Variants in GRIN2B observed in about 807,000 individuals in gnomAD.
GRIN2B encodes glutamate ionotropic receptor NMDA type subunit 2B, also known as glutamate receptor ionotropic, NMDA 2B.
GRIN2B carries 5 observed loss-of-function variants against 114.5 expected under a neutral mutation model. That is an observed-to-expected ratio of 0.04 (90% CI 0.02 to 0.09). The LOEUF (loss-of-function observed/expected upper bound fraction) is 0.09. Among genes scored for constraint, GRIN2B ranks in the 10% least tolerant of loss-of-function variants. The pLI, the probability that GRIN2B is intolerant of heterozygous loss-of-function variation, is 1.00. For synonymous variants in GRIN2B, 787 were observed against 745.1 expected, an observed-to-expected ratio of 1.06 and a Z score of -0.92; for missense variants, 1,108 against 1,943.5, an observed-to-expected ratio of 0.57 and a Z score of 8.08.
chr12:13,877,277 C>A (rs1866004414), intron 2 of GRIN2B, among the ~76,000 whole-genome samples: 1 of 152,066 alleles, frequency 6.6e-6, no homozygotes, highest in African/African-American at 2.4e-5. Flanking sequence ...TGAGACTATA[C>A]CTCAAAGAGA....
intron 4 of GRIN2B, among the ~76,000 whole-genome samples, chr12:13,698,476 G>T (rs1363362816): frequency 6.6e-6 from 1 of 152,116 alleles, no homozygotes; most frequent in Admixed American, 6.5e-5. Flanking sequence ...ATTTATAACA[G>T]ATTTTGAAAA....
chr12:13,722,522 C>T (rs114446616), intron 4 of GRIN2B, among the ~76,000 whole-genome samples: 82 of 152,176 alleles, frequency 5.4e-4, no homozygotes, highest in African/African-American at 1.8e-3. Flanking sequence ...TGCAGGTAAG[C>T]TGGTAACTTT....
rs1311894908 is a variant in GRIN2B at position 13,980,022 on chromosome 12, T to C, written c.-113A>G. The C allele has an allele frequency of 1.3e-5, 2 of 151,930 alleles. No individual in the cohort carries two copies. Among genetic ancestry groups the C allele is most frequent in the African/African-American group, 4.8e-5 (2 of 41,320 alleles). 9.4% of individuals were successfully genotyped at this position (151,930 alleles called of 1,614,324 possible). A position where few individuals can be genotyped will look rare whatever the true frequency, so the allele number is the denominator to read the frequency against. On this transcript the variant is annotated 5_prime_UTR_variant, in exon 2 of 14. The change abolishes an upstream ATG in the 5' untranslated region. Coordinates refer to ENST00000609686, the MANE Select transcript of GRIN2B (RefSeq NM_000834.5). ...CCTTCTTCTCGCTTGCATATCCACA[T>C]AAGAAAGACGAAGGATAAATGAACG...
chr12:13,766,809 G>A (rs570439984), intron 3 of GRIN2B, among the ~76,000 whole-genome samples: 1 of 152,284 alleles, frequency 6.6e-6, no homozygotes, highest in East Asian at 1.9e-4. Context: ...TCTTCTCTCA[G>A]TGTATTTGAT....
intron 2 of GRIN2B, among the ~76,000 whole-genome samples, chr12:13,879,466 T>A (rs533677921): frequency 2.6e-5 from 4 of 151,766 alleles, no homozygotes; most frequent in South Asian, 2.1e-4. Context: ...AAGAAATATA[T>A]AACGTTAACT....
rs1252005103 is a variant in GRIN2B, at chr12:13,694,702, T to TATAA, written c.1011-18844_1011-18843insTTAT. Among the ~76,000 whole-genome samples the TATAA allele has an allele frequency of 8.7e-5, 11 of 126,284 alleles. No homozygotes were observed. In the East Asian group the frequency reaches 1.4e-3, roughly 16 times the overall value. The allele number at this position is 126,284 out of a possible 152,430, so 82.8% of individuals were successfully genotyped here. A position where few individuals can be genotyped will look rare whatever the true frequency, so the allele number is the denominator to read the frequency against. ...ATATATATATATATATATATATATATAAATTAATTAATATTGGTCACCACA... is the reference window on the plus strand; with the variant it reads ...ATATATATATATATATATATATATATATAAAAATTAATTAATATTGGTCACCACA... On this transcript the variant is annotated intron_variant, in intron 4 of 13. Coordinates refer to ENST00000609686, the MANE Select transcript of GRIN2B (RefSeq NM_000834.5).
chr12:13,978,893 AG>A (rs1161897821), intron 2 of GRIN2B, among the ~76,000 whole-genome samples: 1 of 152,246 alleles, frequency 6.6e-6, no homozygotes, highest in Non-Finnish European at 1.5e-5. Flanking sequence ...TCTCTTCTCA[AG>A]TACATTAAAA....
chr12:13,933,749 G>A (rs61914320), intron 2 of GRIN2B, among the ~76,000 whole-genome samples: 11,080 of 152,294 alleles, frequency 0.073, 511 homozygotes, highest in Middle Eastern at 0.13. Flanking sequence ...ATGGCTGCAG[G>A]TGCATGGCCA....
intron 4 of GRIN2B, among the ~76,000 whole-genome samples, chr12:13,704,944 G>A (rs1470451115): frequency 6.6e-6 from 1 of 151,968 alleles, no homozygotes. Context: ...AAATATTAAT[G>A]CCCCATGACT....
At chr12:13,622,498 G>A (rs1157085525) in intron 5 of GRIN2B, among the ~76,000 whole-genome samples, 1 of 152,016 alleles carries the variant, frequency 6.6e-6, no homozygotes, top group African/African-American at 2.4e-5. Context: ...GATTTTTAAT[G>A]TTTGAGTATA....
At chr12:13,756,573 C>G (rs1451842370) in intron 3 of GRIN2B, among the ~76,000 whole-genome samples, 1 of 152,202 alleles carries the variant, frequency 6.6e-6, no homozygotes, top group Non-Finnish European at 1.5e-5. Flanking sequence ...ATCACATGAG[C>G]TTCCACAAGC....
chr12:13,735,524 G>A (rs1863162236), intron 4 of GRIN2B, among the ~76,000 whole-genome samples: 1 of 152,162 alleles, frequency 6.6e-6, no homozygotes, highest in Non-Finnish European at 1.5e-5. Context: ...ATTCATAAAA[G>A]CAGGGTTTTC....
At chr12:13,885,529 A>C (rs1337840010) in intron 2 of GRIN2B, among the ~76,000 whole-genome samples, 1 of 152,108 alleles carries the variant, frequency 6.6e-6, no homozygotes, top group Non-Finnish European at 1.5e-5. Flanking sequence ...CTCCATATAA[A>C]TGTTCTTCCC....
At chr12:13,637,475 T>C (rs1030602438) in intron 5 of GRIN2B, among the ~76,000 whole-genome samples, 1 of 152,088 alleles carries the variant, frequency 6.6e-6, no homozygotes, top group African/African-American at 2.4e-5. Flanking sequence ...TCAAGAAAAA[T>C]ATCAGTTGTC....
At chr12:13,680,597 A>G (rs976042833) in intron 4 of GRIN2B, among the ~76,000 whole-genome samples, 4 of 152,118 alleles carry the variant, frequency 2.6e-5, no homozygotes, top group Admixed American at 6.6e-5. Context: ...TAAAACTAGG[A>G]GAGAACTTAG....
chr12:13,910,479 G>A (rs1309310462), intron 2 of GRIN2B, among the ~76,000 whole-genome samples: 1 of 152,144 alleles, frequency 6.6e-6, no homozygotes, highest in Non-Finnish European at 1.5e-5. Context: ...CAAAGAAGGT[G>A]CAGCCCCTCC....
chr12:13,783,870 T>C lies in GRIN2B; in HGVS notation c.412-29955A>G, dbSNP rs1002716724. Among the ~76,000 whole-genome samples, 11 of 152,122 alleles carry C rather than the reference T, an allele frequency of 7.2e-5. No individual in the cohort carries two copies. In the East Asian group the frequency reaches 1.9e-3, roughly 27 times the overall value. On this transcript the variant is annotated intron_variant, in intron 3 of 13. Coordinates refer to ENST00000609686, the MANE Select transcript of GRIN2B (RefSeq NM_000834.5). The stretch of plus-strand genomic sequence containing the variant: ...GAGGCTGAGCCTGAGAGTTCAGTGT[T>C]TTCAGAATTTGCACCTTAGCAGGTC...
At chr12:13,725,284 AGAAT>A (rs1862960374) in intron 4 of GRIN2B, among the ~76,000 whole-genome samples, 7 of 152,146 alleles carry the variant, frequency 4.6e-5, no homozygotes. Flanking sequence ...GAAGAAAAGA[AGAAT>A]GAGAGGAAAG....
intron 3 of GRIN2B, among the ~76,000 whole-genome samples, chr12:13,826,197 A>G (rs1227305679): frequency 3.3e-5 from 5 of 152,004 alleles, no homozygotes; most frequent in African/African-American, 1.2e-4. Context: ...CAGGCCAGGC[A>G]AGGTGGTTCA....
Sources: allele counts gnomAD v4.1 joint callset (sites outside exome capture counted in the v4.1 genomes callset), GRCh38; gene constraint gnomAD v4.1.1; transcripts MANE v1.5; gene names NCBI Gene and HGNC (gene_info 2026-07-23, HGNC 2026-07-21).